The following COL14A1 variants were observed in gnomAD, a reference collection of about 807,000 sequenced individuals.
COL14A1 encodes collagen alpha-1(XIV) chain.
In COL14A1, 136 loss-of-function variants were observed where a neutral mutation model predicts 230.3. The ratio of observed to expected loss-of-function variants is 0.59; its 90% CI spans 0.51 to 0.68. COL14A1 has a LOEUF of 0.68. Among genes scored for constraint, COL14A1 ranks in the 30% least tolerant of loss-of-function variants. The pLI, the probability that COL14A1 is intolerant of heterozygous loss-of-function variation, is 0.00. For missense variants in COL14A1, 1,976 were observed against 2,215.8 expected (o/e 0.89, Z 2.17); for synonymous variants, 792 against 784.1 (o/e 1.01, Z -0.17).
At chr8:120,339,909 G>C (rs545659808) in intron 42 of COL14A1, among the ~76,000 whole-genome samples, 1 of 151,858 alleles carries the variant, frequency 6.6e-6, no homozygotes, top group Non-Finnish European at 1.5e-5. Flanking sequence ...GTGGTGGCAC[G>C]CACCTGTAGT....
chr8:120,136,928 C>T (rs1036937907), intron 1 of COL14A1, among the ~76,000 whole-genome samples: 3 of 135,084 alleles, frequency 2.2e-5, no homozygotes, highest in African/African-American at 8.8e-5. Context: ...CGCCACTGCA[C>T]TCCAGCCTGT....
intron 5 of COL14A1, among the ~76,000 whole-genome samples, chr8:120,175,234 T>C (rs1032119356): frequency 6.6e-6 from 1 of 152,238 alleles, no homozygotes; most frequent in Non-Finnish European, 1.5e-5. Flanking sequence ...GGTACTTGCC[T>C]TTGAGCATAA....
Position 120,250,639 on chromosome 8 carries a change from G to A in COL14A1, c.2625G>A (p.Thr875=), listed in dbSNP as rs199726644. ...PVSVPGPTLE[T]FVGADINTIL... is the part of the protein sequence containing the mutation. ...TAGTTCCTGGTCCAACACTGGAAAC[G>A]TTTGTGGGAGCTGACATTAACACCA... The change falls in exon 22 of 48, where the codon ACG becomes ACA. Residue 875 remains threonine, a synonymous_variant. Transcript: ENST00000297848. The A allele has an allele frequency of 7.4e-6, 12 of 1,614,032 alleles. No individual in the cohort carries two copies. The highest frequency in any genetic ancestry group is 2.7e-5 in the African/African-American group (2 of 74,906).
At chr8:120,168,777 A>C (rs929427751) in intron 5 of COL14A1, among the ~76,000 whole-genome samples, 6 of 152,280 alleles carry the variant, frequency 3.9e-5, no homozygotes, top group African/African-American at 1.4e-4. Flanking sequence ...GTTAGGTATT[A>C]TTGTTAGTCT....
At chr8:120,254,128 T>C (rs1191950072) in intron 22 of COL14A1, among the ~76,000 whole-genome samples, 1 of 152,132 alleles carries the variant, frequency 6.6e-6, no homozygotes, top group East Asian at 1.9e-4. Flanking sequence ...GTATTTTTAT[T>C]TTGTGAGTAA....
At chr8:120,288,186 A>G (rs1472393293) in intron 33 of COL14A1, among the ~76,000 whole-genome samples, 5 of 152,148 alleles carry the variant, frequency 3.3e-5, no homozygotes, top group African/African-American at 4.8e-5. Context: ...GAGTTGAATT[A>G]TACTCTAGTA....
chr8:120,190,851 T>G (rs1252362463), intron 5 of COL14A1, among the ~76,000 whole-genome samples: 1 of 152,192 alleles, frequency 6.6e-6, no homozygotes, highest in Non-Finnish European at 1.5e-5. Flanking sequence ...GGTAGTATTC[T>G]CTGATGGTAG....
intron 45 of COL14A1, among the ~76,000 whole-genome samples, chr8:120,348,312 T>C (rs1822605186): frequency 6.7e-6 from 1 of 148,616 alleles, no homozygotes; most frequent in Non-Finnish European, 1.5e-5. Context: ...AAAGCATATA[T>C]ATATATATAT....
chr8:120,328,642 A>G (rs539585817), intron 40 of COL14A1, among the ~76,000 whole-genome samples: 4 of 152,220 alleles, frequency 2.6e-5, no homozygotes, highest in Non-Finnish European at 4.4e-5. Context: ...CATGATGTCC[A>G]TAAATCAAGT....
intron 9 of COL14A1, among the ~76,000 whole-genome samples, chr8:120,206,706 G>T (rs535866017): frequency 6.6e-6 from 1 of 152,252 alleles, no homozygotes; most frequent in South Asian, 2.1e-4. Flanking sequence ...AAGTTCTCTG[G>T]AGTCAAGAAC....
chr8:120,226,824 T>C, intron 16 of COL14A1, 58 bp downstream of exon 16: 1 of 1,504,798 alleles, frequency 6.6e-7, no homozygotes, highest in Non-Finnish European at 9.1e-7. Context: ...TACCTACTGC[T>C]GCTGGAGTTG....
intron 5 of COL14A1, among the ~76,000 whole-genome samples, chr8:120,182,935 C>T (rs1051582660): frequency 6.6e-6 from 1 of 151,890 alleles, no homozygotes; most frequent in Non-Finnish European, 1.5e-5. Context: ...CCATATTGCC[C>T]AGGGTGGTCT....
chr8:120,306,471 A>G (rs1483516963), intron 36 of COL14A1, among the ~76,000 whole-genome samples: 2 of 152,226 alleles, frequency 1.3e-5, no homozygotes, highest in South Asian at 2.1e-4. Context: ...AAGAAATAGT[A>G]TCCTGAGCAA....
rs766397337 is a variant in COL14A1 at position 120,255,331 on chromosome 8, T to C, written c.2844T>C (p.Tyr948=). 6.2e-7 allele frequency: 1 copy of C among 1,613,682 alleles called. No individual in the cohort carries two copies. Among genetic ancestry groups the C allele is most frequent in the South Asian group, 1.1e-5 (1 of 91,082 alleles). The part of the protein sequence containing the change: ...HWQVHRHATA[Y]RVVIESLQDR... ...AGGTACATCGCCATGCCACAGCCTA[T>C]AGGGTTGTTATAGAATCCCTCCAGG... is the stretch of plus-strand genomic sequence containing the variant. The change falls in exon 23 of 48, where the codon TAT becomes TAC. Residue 948 remains tyrosine (Y), a synonymous_variant. Transcript: ENST00000297848.
At chr8:120,315,425 G>T in intron 38 of COL14A1, 108 bp from the exon 39 acceptor site, 2 of 683,008 alleles carry the variant, frequency 2.9e-6, no homozygotes, top group African/African-American at 1.9e-5. Context: ...TTAGATGTTA[G>T]TGCAAACGCG....
intron 5 of COL14A1, among the ~76,000 whole-genome samples, chr8:120,189,897 G>T (rs577341496): frequency 8.3e-4 from 126 of 151,980 alleles, no homozygotes; most frequent in African/African-American, 2.9e-3. Context: ...TTGGACATTT[G>T]TGTTGGTTCC....
intron 28 of COL14A1, among the ~76,000 whole-genome samples, chr8:120,279,377 C>A (rs959246931): frequency 2.0e-5 from 3 of 150,568 alleles, no homozygotes; most frequent in Non-Finnish European, 4.4e-5. Flanking sequence ...AGGGAAGGAA[C>A]CTTATTACAG....
intron 25 of COL14A1, among the ~76,000 whole-genome samples, chr8:120,267,803 G>GGATCACTCT: frequency 6.6e-6 from 1 of 151,828 alleles, no homozygotes; most frequent in Non-Finnish European, 1.5e-5. Context: ...ATGGCATGTT[G>GGATCACTCT]TGAGAATTTG....
At chr8:120,342,780 G>C (rs1258968043) in intron 44 of COL14A1, among the ~76,000 whole-genome samples, 3 of 152,110 alleles carry the variant, frequency 2.0e-5, no homozygotes, top group African/African-American at 2.4e-5. Flanking sequence ...CAAGTGTTCA[G>C]CACTTGAAAG....
Sources: allele counts gnomAD v4.1 joint callset (sites outside exome capture counted in the v4.1 genomes callset), GRCh38; gene constraint gnomAD v4.1.1; transcripts MANE v1.5; gene names NCBI Gene and HGNC (gene_info 2026-07-23, HGNC 2026-07-21).